STK24: variants seen among roughly 807,000 people sequenced by gnomAD.
STK24 encodes serine/threonine-protein kinase 24.
In STK24, 21 loss-of-function variants were observed where a neutral mutation model predicts 55.6. That is an observed-to-expected ratio of 0.38 (90% CI 0.27 to 0.54). STK24 has a LOEUF of 0.54. STK24 is among the 20% of genes least tolerant of loss of function. The probability of loss-of-function intolerance (pLI) is 0.79; values close to 1 mark genes in which losing one functional copy is unlikely to be tolerated. For missense variants in STK24, 383 were observed against 538.4 expected, an observed-to-expected ratio of 0.71 and a Z score of 2.86; for synonymous variants, 200 against 215.2, an observed-to-expected ratio of 0.93 and a Z score of 0.62.
Position 98,457,107 on chromosome 13 carries a change from TAAGTCCCAGCCC to T in STK24, c.1259+49_1259+60del, listed in dbSNP as rs1893493634. On this transcript the variant is annotated intron_variant, in intron 10 of 10. Coordinates refer to ENST00000539966, the MANE Select transcript of STK24 (RefSeq NM_001032296.4). ...AGAATCAAGTACCAAACTCATCAAC[TAAGTCCCAGCCC>T]AAGTGCAGGTCTCTCCTTCCCCAGC... The T allele has an allele frequency of 1.9e-6, 3 of 1,576,686 alleles. No homozygotes were observed. The East Asian group carries it at 6.8e-5, about 36-fold the overall frequency.
At position 98,447,801 on chromosome 13, in the gene STK24, C is replaced by T. The variant is rs1268411278; in HGVS notation, c.*5372G>A. The stretch of plus-strand genomic sequence containing the variant: ...AGGTAGCTACAGTGGGCGATAACTG[C>T]ACCACTGAACTCCAGTATGAGTGAC... On this transcript the variant is annotated 3_prime_UTR_variant, in exon 11 of 11. Coordinates refer to ENST00000539966, the MANE Select transcript of STK24 (RefSeq NM_001032296.4). 1 of 169,280 alleles carries T rather than the reference C, an allele frequency of 5.9e-6. No homozygotes were observed. The highest frequency in any genetic ancestry group is 1.3e-5 in the Non-Finnish European group (1 of 79,120). The allele number at this position is 169,280 out of a possible 1,614,324, so 10.5% of individuals were successfully genotyped here. A position where few individuals can be genotyped will look rare whatever the true frequency, so the allele number is the denominator to read the frequency against.
rs1195598942 is a variant in STK24 at position 98,500,865 on chromosome 13, G to C, written c.273+18378C>G. On this transcript the variant is annotated intron_variant, in intron 2 of 10. Coordinates refer to ENST00000539966, the MANE Select transcript of STK24 (RefSeq NM_001032296.4). ...ATTCCAGAGACCCAGGAGAACACTG[G>C]GATGCTCACACTTTTTAATGACACA... 7.2e-5 allele frequency among the ~76,000 whole-genome samples: 11 copies of C among 151,916 alleles called. No individual in the cohort carries two copies. The South Asian group carries it at 2.3e-3, about 32-fold the overall frequency.
intron 4 of STK24, 108 bp from the exon 5 acceptor site, chr13:98,475,086 C>G (rs1220842174): frequency 2.7e-6 from 4 of 1,458,468 alleles, no homozygotes; most frequent in Non-Finnish European, 3.7e-6. Context: ...CGAGCACAGG[C>G]ACCGGGGCTA....
intron 1 of STK24, among the ~76,000 whole-genome samples, chr13:98,567,340 A>C (rs1402236894): frequency 2.3e-5 from 2 of 88,268 alleles, no homozygotes; most frequent in Non-Finnish European, 6.4e-5. Flanking sequence ...TGCACCGACC[A>C]CCACGGAACA....
intron 1 of STK24, among the ~76,000 whole-genome samples, chr13:98,540,975 A>G (rs1896873153): frequency 6.6e-6 from 1 of 152,108 alleles, no homozygotes; most frequent in South Asian, 2.1e-4. Context: ...TGGGCATCTG[A>G]AGGAACTCCC....
chr13:98,522,038 C>A, intron 1 of STK24: 1 of 1,415,896 alleles, frequency 7.1e-7, no homozygotes, highest in Non-Finnish European at 9.2e-7. Context: ...GGAGTCCCTT[C>A]AAAGTCATCT....
intron 1 of STK24, among the ~76,000 whole-genome samples, chr13:98,522,395 T>C (rs1896294555): frequency 6.6e-6 from 1 of 152,158 alleles, no homozygotes; most frequent in African/African-American, 2.4e-5. Flanking sequence ...CTTGCAGAAA[T>C]ATATGGGAGT....
chr13:98,453,274 A>T, intron 10 of STK24, 65 bp from the exon 11 acceptor site: 1 of 1,512,804 alleles, frequency 6.6e-7, no homozygotes, highest in Non-Finnish European at 9.0e-7. Context: ...AAAAATTCAT[A>T]TAGTAACCAA....
At chr13:98,543,136 T>C (rs1272340975) in intron 1 of STK24, 1 of 491,620 alleles carries the variant, frequency 2.0e-6, no homozygotes, top group Admixed American at 6.4e-5. Flanking sequence ...CTCCAAAGTT[T>C]ACAGCTTCGG....
chr13:98,461,645 T>C (rs1893706880), intron 8 of STK24, 129 bp downstream of exon 8: 10 of 1,327,532 alleles, frequency 7.5e-6, no homozygotes, highest in Non-Finnish European at 1.1e-5. Flanking sequence ...GCCCATCCCC[T>C]AGCAACAAAA....
At chr13:98,549,939 C>T (rs949462226) in intron 1 of STK24, among the ~76,000 whole-genome samples, 1 of 152,210 alleles carries the variant, frequency 6.6e-6, no homozygotes, top group African/African-American at 2.4e-5. Context: ...TATTTCCTTG[C>T]CTCCTGACTA....
At chr13:98,492,550 T>G (rs1895082752) in intron 2 of STK24, among the ~76,000 whole-genome samples, 1 of 152,166 alleles carries the variant, frequency 6.6e-6, no homozygotes, top group African/African-American at 2.4e-5. Flanking sequence ...CACCCCCAGG[T>G]GGGCAGGATG....
chr13:98,461,178 T>C (rs1893691327), intron 8 of STK24, among the ~76,000 whole-genome samples: 1 of 152,214 alleles, frequency 6.6e-6, no homozygotes, highest in Non-Finnish European at 1.5e-5. Context: ...TTTTGCAACC[T>C]CTATTTGGAC....
At chr13:98,499,783 T>C (rs757820736) in intron 2 of STK24, among the ~76,000 whole-genome samples, 5 of 152,152 alleles carry the variant, frequency 3.3e-5, no homozygotes, top group Non-Finnish European at 7.4e-5. Context: ...CAGAGGTCAC[T>C]AGCCTGCCCA....
chr13:98,543,590 G>A (rs1368624336), intron 1 of STK24, among the ~76,000 whole-genome samples: 1 of 152,106 alleles, frequency 6.6e-6, no homozygotes, highest in Non-Finnish European at 1.5e-5. Context: ...GGGTCTGATC[G>A]CTGCAGAGAG....
chr13:98,469,382 C>T (rs546954170), intron 5 of STK24, among the ~76,000 whole-genome samples: 1 of 152,290 alleles, frequency 6.6e-6, no homozygotes, highest in African/African-American at 2.4e-5. Context: ...AACCCCATCT[C>T]TACTAAAAAT....
chr13:98,476,910 T>C (rs912342805), intron 3 of STK24, among the ~76,000 whole-genome samples: 3 of 152,220 alleles, frequency 2.0e-5, no homozygotes, highest in Non-Finnish European at 4.4e-5. Context: ...CCTGGCCTTC[T>C]CCACCCAGGA....
chr13:98,542,359 C>T (rs1232802110), intron 1 of STK24, among the ~76,000 whole-genome samples: 4 of 151,652 alleles, frequency 2.6e-5, no homozygotes, highest in Non-Finnish European at 5.9e-5. Context: ...CTGACAAAAA[C>T]AATACATTCA....
intron 1 of STK24, among the ~76,000 whole-genome samples, chr13:98,565,402 AG>A (rs2139458173): frequency 6.6e-6 from 1 of 152,164 alleles, no homozygotes; most frequent in South Asian, 2.1e-4. Context: ...CGAAGGCGAG[AG>A]GATCACTTGA....
Sources: allele counts gnomAD v4.1 joint callset (sites outside exome capture counted in the v4.1 genomes callset), GRCh38; gene constraint gnomAD v4.1.1; transcripts MANE v1.5; gene names NCBI Gene and HGNC (gene_info 2026-07-23, HGNC 2026-07-21).